Variants in RGS6 observed in about 807,000 individuals in gnomAD.
RGS6 encodes regulator of G-protein signaling 6.
In RGS6, 30 loss-of-function variants were observed where a neutral mutation model predicts 78.5. That is an observed-to-expected ratio of 0.38 (90% CI 0.29 to 0.52). The LOEUF is 0.52. RGS6 is among the 20% of genes least tolerant of loss of function. RGS6 has a pLI of 0.85. For synonymous variants in RGS6, 206 were observed against 206.0 expected, an observed-to-expected ratio of 1.00 and a Z score of 0.00; for missense variants, 495 against 609.7, an observed-to-expected ratio of 0.81 and a Z score of 1.98.
chr14:72,531,667 T>G (rs1407033867), intron 15 of RGS6, among the ~76,000 whole-genome samples: 2 of 152,196 alleles, frequency 1.3e-5, no homozygotes, highest in Non-Finnish European at 2.9e-5. Context: ...TTTTTGTTTA[T>G]TTTTTAAATT....
chr14:72,490,041 A>C (rs2096556983), intron 12 of RGS6, among the ~76,000 whole-genome samples: 1 of 152,122 alleles, frequency 6.6e-6, no homozygotes, highest in South Asian at 2.1e-4. Context: ...TCCCTTGCCC[A>C]GGTTCATTCT....
chr14:71,974,481 A>G (rs1015534565), intron 2 of RGS6, among the ~76,000 whole-genome samples: 1 of 152,222 alleles, frequency 6.6e-6, no homozygotes, highest in African/African-American at 2.4e-5. Context: ...AAGAAATCAA[A>G]TATCCATTGA....
At chr14:72,105,352 A>G (rs2095612442) in intron 2 of RGS6, among the ~76,000 whole-genome samples, 1 of 152,244 alleles carries the variant, frequency 6.6e-6, no homozygotes, top group Non-Finnish European at 1.5e-5. Flanking sequence ...AAAATGTGGT[A>G]CAGCTTTCTT....
intron 2 of RGS6, among the ~76,000 whole-genome samples, chr14:72,091,593 T>C (rs1567185976): frequency 6.6e-6 from 1 of 152,140 alleles, no homozygotes; most frequent in Non-Finnish European, 1.5e-5. Context: ...TATGACCCTA[T>C]CCACTGTGGA....
the RGS6 span, among the ~76,000 whole-genome samples, chr14:71,900,376 T>G: frequency 6.6e-6 from 1 of 152,230 alleles, no homozygotes; most frequent in Admixed American, 6.5e-5. Flanking sequence ...GAGATGCCAT[T>G]TTCCTGTTCT....
At chr14:72,057,067 A>C (rs1173702203) in intron 2 of RGS6, among the ~76,000 whole-genome samples, 2 of 152,150 alleles carry the variant, frequency 1.3e-5, no homozygotes, top group Admixed American at 6.5e-5. Context: ...TAATCCAAGC[A>C]CTTTGGAAGG....
intron 2 of RGS6, among the ~76,000 whole-genome samples, chr14:72,200,381 C>A (rs1171928062): frequency 6.6e-6 from 1 of 152,224 alleles, no homozygotes; most frequent in Non-Finnish European, 1.5e-5. Flanking sequence ...CTCCATCCTG[C>A]CTCTCAGTAA....
At chr14:71,917,921 C>T in the RGS6 span, among the ~76,000 whole-genome samples, 1 of 152,026 alleles carries the variant, frequency 6.6e-6, no homozygotes, top group African/African-American at 2.4e-5. Flanking sequence ...CGCCTGTAAT[C>T]CCACCGCTTT....
intron 2 of RGS6, among the ~76,000 whole-genome samples, chr14:72,095,567 G>A (rs2095384548): frequency 6.6e-6 from 1 of 152,156 alleles, no homozygotes; most frequent in South Asian, 2.1e-4. Context: ...ACAGTGTCAC[G>A]TTGGCTGCAC....
At chr14:72,577,909 A>G in the RGS6 span, among the ~76,000 whole-genome samples, 2 of 152,246 alleles carry the variant, frequency 1.3e-5, no homozygotes, top group Non-Finnish European at 2.9e-5. Flanking sequence ...CAGAAAAGGA[A>G]GATCAGAAGT....
At chr14:72,377,952 C>G (rs1382415435) in intron 3 of RGS6, among the ~76,000 whole-genome samples, 1 of 152,068 alleles carries the variant, frequency 6.6e-6, no homozygotes, top group Non-Finnish European at 1.5e-5. Context: ...CCTCTGCACT[C>G]CATCCTGGGC....
Position 72,518,278 on chromosome 14 carries a change from C to T in RGS6, c.1092-73C>T, listed in dbSNP as rs909757492. 6.2e-6 allele frequency: 9 copies of T among 1,453,104 alleles called. No homozygotes were observed. In the South Asian group the frequency reaches 1.0e-4, roughly 16 times the overall value. The allele number at this position is 1,453,104 out of a possible 1,614,324, so 90.0% of individuals were successfully genotyped here. The stretch of plus-strand genomic sequence containing the variant: ...CAGAATGGGTTTCATGGGACATCAG[C>T]TCTGGGGCCATCTCAGGCAACATCC... On this transcript the variant is annotated intron_variant, in intron 14 of 17. Coordinates refer to ENST00000553525, the MANE Select transcript of RGS6 (RefSeq NM_001204424.2).
At chr14:72,160,313 C>G (rs1283277371) in intron 2 of RGS6, among the ~76,000 whole-genome samples, 7 of 151,350 alleles carry the variant, frequency 4.6e-5, no homozygotes. Flanking sequence ...ATAATCAAAT[C>G]AACCTGTGAA....
intron 2 of RGS6, among the ~76,000 whole-genome samples, chr14:72,261,333 A>G (rs984304925): frequency 3.9e-5 from 6 of 152,326 alleles, no homozygotes; most frequent in African/African-American, 1.2e-4. Context: ...GAATGAAAGC[A>G]GAGGAGGAGG....
intron 13 of RGS6, among the ~76,000 whole-genome samples, chr14:72,496,429 G>A (rs372286629): frequency 6.6e-5 from 10 of 152,138 alleles, no homozygotes; most frequent in East Asian, 5.8e-4. Flanking sequence ...CTGGCTTTTC[G>A]GAGCAGTCAC....
intron 2 of RGS6, among the ~76,000 whole-genome samples, chr14:72,200,134 C>T (rs1386885224): frequency 6.6e-6 from 1 of 152,160 alleles, no homozygotes; most frequent in Non-Finnish European, 1.5e-5. Context: ...ATGGTTGTTG[C>T]TTTGTGGAAG....
chr14:72,453,348 G>T (rs1033470192), intron 3 of RGS6, among the ~76,000 whole-genome samples: 1 of 151,954 alleles, frequency 6.6e-6, no homozygotes, highest in Non-Finnish European at 1.5e-5. Context: ...GGGCGCGGTG[G>T]CTCATGCCTG....
chr14:72,173,513 C>T (rs1432101706), intron 2 of RGS6, among the ~76,000 whole-genome samples: 1 of 152,178 alleles, frequency 6.6e-6, no homozygotes, highest in Non-Finnish European at 1.5e-5. Context: ...CATGCTTTGA[C>T]TTGCCAAGGA....
At chr14:72,381,006 G>C (rs982557628) in intron 3 of RGS6, among the ~76,000 whole-genome samples, 34 of 152,038 alleles carry the variant, frequency 2.2e-4, no homozygotes, top group African/African-American at 8.0e-4. Context: ...CTAAGGAAAA[G>C]AATAAAATCC....
Sources: allele counts gnomAD v4.1 joint callset (sites outside exome capture counted in the v4.1 genomes callset), GRCh38; gene constraint gnomAD v4.1.1; transcripts MANE v1.5; gene names NCBI Gene and HGNC (gene_info 2026-07-23, HGNC 2026-07-21).